DET1: variants seen among roughly 807,000 people sequenced by gnomAD.
The protein encoded by DET1 is DET1 homolog.
Under a neutral mutation model 43.7 loss-of-function variants are expected in DET1, and 22 were observed. That is an observed-to-expected ratio of 0.50 (90% CI 0.36 to 0.72). The LOEUF is 0.72. DET1 is among the 30% of genes least tolerant of loss of function. The pLI is 0.00. For missense variants in DET1, 713 were observed against 713.3 expected, an observed-to-expected ratio of 1.00 and a Z score of 0.00; for synonymous variants, 315 against 266.2, an observed-to-expected ratio of 1.18 and a Z score of -1.79.
At chr15:88,529,664 C>T (rs1249396593) in intron 2 of DET1, among the ~76,000 whole-genome samples, 3 of 152,192 alleles carry the variant, frequency 2.0e-5, no homozygotes, top group Non-Finnish European at 4.4e-5. Context: ...ATAAGAGATA[C>T]CAAACTCAGT....
intron 1 of DET1, among the ~76,000 whole-genome samples, chr15:88,540,593 T>C (rs1490293891): frequency 6.6e-6 from 1 of 151,920 alleles, no homozygotes; most frequent in African/African-American, 2.4e-5. Context: ...ACTGTGTCTG[T>C]GTAGAAAGAA....
chr15:88,503,586 A>G (rs1391984558), intron 8 of DET1: 4 of 152,246 alleles, frequency 2.6e-5, no homozygotes, highest in African/African-American at 9.6e-5. Flanking sequence ...TTCCTTATCT[A>G]CAAAATAGGA....
chr15:88,545,737 G>A (rs1567078770), intron 1 of DET1, among the ~76,000 whole-genome samples: 1 of 151,222 alleles, frequency 6.6e-6, no homozygotes, highest in Non-Finnish European at 1.5e-5. Context: ...TGCCCAACCT[G>A]GTTTTTACTA....
chr15:88,524,651 C>A (rs1193868548), intron 3 of DET1, among the ~76,000 whole-genome samples: 2 of 152,156 alleles, frequency 1.3e-5, no homozygotes, highest in East Asian at 3.9e-4. Flanking sequence ...GACCTTACCC[C>A]CAACCCTGTG....
At position 88,512,769 on chromosome 15, in the gene DET1, T is replaced by C. The variant is rs146230552; in HGVS notation, c.*182A>G. On this transcript the variant is annotated 3_prime_UTR_variant, in exon 5 of 5. Transcript: ENST00000268148. ...TATAACAATCAGTAGCAGTATTGTA[T>C]ACAATTTAAAAATTCCATTAGGTTG... is the stretch of plus-strand genomic sequence containing the variant. 1,588 of 1,390,268 alleles carry C rather than the reference T, an allele frequency of 1.1e-3. 1 individual carries two copies. The highest frequency in any genetic ancestry group is 1.4e-3 in the Non-Finnish European group (1,486 of 1,074,222). 86.1% of individuals were successfully genotyped at this position (1,390,268 alleles called of 1,614,324 possible). A position where few individuals can be genotyped will look rare whatever the true frequency, so the allele number is the denominator to read the frequency against.
In DET1 at chr15:88,516,822, C is replaced by T; in HGVS notation, c.1423G>A (p.Val475Ile). The change falls in exon 4 of 5, where the codon GTC (valine) becomes ATC (isoleucine). Residue 475 changes from valine to isoleucine, a missense_variant. Transcript: ENST00000268148. This position sits in a 1 kb window ranked among gnomAD's most constrained non-coding sequence, Gnocchi z 4.4. ...CCACAAGTCTTGGGCCGCTCCATGA[C>T]AGATACCCACTTGTCATCATAACTG... The part of the protein sequence containing the change: ...LFSYDDKWVS[V>I]MERPKTCGDH... 1 of 1,608,254 alleles carries T rather than the reference C, an allele frequency of 6.2e-7. No homozygotes were observed. The highest frequency in any genetic ancestry group is 8.5e-7 in the Non-Finnish European group (1 of 1,177,750).
In DET1 at chr15:88,522,886, C is replaced by CT. The variant is rs144486649; in HGVS notation, c.1271+4712dup. On this transcript the variant is annotated intron_variant, in intron 3 of 4. Transcript: ENST00000268148. ...GTAACATTGTTTTTTTTTTCTTCTT[C>CT]TTTTTTTTTTTTTGAGATAGGGTCT... Among the ~76,000 whole-genome samples, 1,115 of 138,450 alleles carry CT rather than the reference C, an allele frequency of 8.1e-3. 8 individuals carry two copies. The highest frequency in any genetic ancestry group is 0.015 in the Middle Eastern group (4 of 264). 90.8% of individuals were successfully genotyped at this position (138,450 alleles called of 152,430 possible).
chr15:88,524,387 G>A (rs896664964), intron 3 of DET1, among the ~76,000 whole-genome samples: 46 of 151,858 alleles, frequency 3.0e-4, no homozygotes, highest in Non-Finnish European at 5.2e-4. Context: ...GAGGTGGGGG[G>A]CGCCTCTGCC....
chr15:88,546,104 T>C (rs2057245997), intron 1 of DET1: 1 of 152,222 alleles, frequency 6.6e-6, no homozygotes, highest in Non-Finnish European at 1.5e-5. Flanking sequence ...GGTATAAAAG[T>C]TAATCAAGCC....
At chr15:88,542,975 A>G (rs1007478185) in intron 1 of DET1, among the ~76,000 whole-genome samples, 4 of 152,200 alleles carry the variant, frequency 2.6e-5, no homozygotes, top group African/African-American at 9.7e-5. Flanking sequence ...AGATACTGTC[A>G]TCTCTGGATA....
chr15:88,538,707 G>A lies in DET1; in HGVS notation c.-10-6992C>T, dbSNP rs959425904. Among the ~76,000 whole-genome samples the A allele has an allele frequency of 1.8e-4, 28 of 152,136 alleles. 1 individual carries two copies. The highest frequency in any genetic ancestry group is 1.5e-4 in the Non-Finnish European group (10 of 68,024). ...AGTTGGTCTTGCTCCGGGCTCCCCC[G>A]GAAGGACGGCCGGCTCAGAGGGGGT... On this transcript the variant is annotated intron_variant, in intron 1 of 4. Coordinates refer to ENST00000268148, the MANE Select transcript of DET1 (RefSeq NM_001144074.3).
chr15:88,519,156 C>G (rs1567060312), intron 3 of DET1, among the ~76,000 whole-genome samples: 3 of 152,170 alleles, frequency 2.0e-5, no homozygotes, highest in Admixed American at 6.5e-5. Flanking sequence ...ATCAAAGCAT[C>G]TGTGATAATC....
At chr15:88,522,712 G>T (rs1371048518) in intron 3 of DET1, among the ~76,000 whole-genome samples, 1 of 151,194 alleles carries the variant, frequency 6.6e-6, no homozygotes, top group East Asian at 1.9e-4. Context: ...AAGAGACGGG[G>T]TTTCACCATG....
At chr15:88,512,389 CTCTCA>C, downstream of DET1, 1 of 985,492 alleles carries the variant, frequency 1.0e-6, no homozygotes, top group Non-Finnish European at 1.2e-6. Flanking sequence ...CATCCATGGC[CTCTCA>C]TCTCTTTCAC....
intron 1 of DET1, among the ~76,000 whole-genome samples, chr15:88,534,670 C>T (rs777391344): frequency 6.6e-6 from 1 of 152,124 alleles, no homozygotes; most frequent in Non-Finnish European, 1.5e-5. Flanking sequence ...AATCAACACC[C>T]AGATTGCAGA....
rs759952452 is a variant in DET1, at chr15:88,530,962, G to A, written c.744C>T (p.Gly248=). ...TIHVFQVTPE[G]TFIDVRTIGR... ...CAATGGTCCGCACATCAATGAAAGT[G>A]CCTTCAGGAGTCACCTGGAAGACAT... is the stretch of plus-strand genomic sequence containing the variant. Residue 248 remains glycine, a synonymous_variant, in exon 2 of 5, where the codon GGC becomes GGT. Transcript: ENST00000268148. The A allele has an allele frequency of 2.5e-6, 4 of 1,614,006 alleles. No individual in the cohort carries two copies. Among genetic ancestry groups the A allele is most frequent in the South Asian group, 2.2e-5 (2 of 91,072 alleles).
downstream of DET1, among the ~76,000 whole-genome samples, chr15:88,510,832 G>A (rs1443094209): frequency 1.0e-4 from 15 of 149,402 alleles, no homozygotes; most frequent in Admixed American, 4.7e-4. Context: ...GTGCAGTGGC[G>A]CAATCTCGGC....
intron 3 of DET1, among the ~76,000 whole-genome samples, chr15:88,526,431 A>G (rs2056664632): frequency 6.6e-6 from 1 of 152,264 alleles, no homozygotes; most frequent in South Asian, 2.1e-4. Context: ...TTGTTTCATA[A>G]TAATGCACTA....
chr15:88,512,606 A>G lies in DET1; in HGVS notation c.*345T>C. ...ATTTAACTGCTTTCAGATGCAAACC[A>G]TAATGCCGAAGAAGTGACATGAAGG... On this transcript the variant is annotated 3_prime_UTR_variant, in exon 5 of 5. Coordinates refer to ENST00000268148, the MANE Select transcript of DET1 (RefSeq NM_001144074.3). 1 of 1,037,198 alleles carries G rather than the reference A, an allele frequency of 9.6e-7. No homozygotes were observed. Among genetic ancestry groups the G allele is most frequent in the Non-Finnish European group, 1.2e-6 (1 of 863,594 alleles). The allele number at this position is 1,037,198 out of a possible 1,614,324, so 64.2% of individuals were successfully genotyped here.
Sources: gnomAD v4.1 joint callset for allele counts (sites outside exome capture counted in the v4.1 genomes callset) on GRCh38, gnomAD v4.1.1 for gene constraint, Gnocchi (gnomAD v3.1) non-coding constraint, MANE v1.5 for transcripts, NCBI Gene and HGNC (gene_info 2026-07-23, HGNC 2026-07-21) for gene names.